PDE7B: variants seen among roughly 807,000 people sequenced by gnomAD.
PDE7B encodes the protein phosphodiesterase 7B, also known as 3',5'-cyclic-AMP phosphodiesterase 7B.
In PDE7B, 29 loss-of-function variants were observed where a neutral mutation model predicts 56.2. The observed-to-expected ratio is 0.52, with a 90% CI of 0.38 to 0.70. The LOEUF is 0.70. Ranked by LOEUF, PDE7B falls within the 30% of genes least tolerant of loss-of-function variation. The pLI is 0.00. For missense variants in PDE7B, 490 were observed against 565.0 expected (o/e 0.87, Z 1.35); for synonymous variants, 197 against 196.9 (o/e 1.00, Z 0.00).
Position 136,035,796 on chromosome 6 carries a change from A to AAATGT in PDE7B, c.83-72933_83-72929dup, listed in dbSNP as rs137964617. 4.3e-3 allele frequency among the ~76,000 whole-genome samples: 662 copies of AAATGT among 152,342 alleles called. 6 individuals carry two copies. Among genetic ancestry groups the AAATGT allele is most frequent in the African/African-American group, 0.016 (645 of 41,566 alleles). ...TAAAATAGTACAGAGGATACAATGG[A>AAATGT]AATGTATATCCTTGGATTTTTTTTA... On this transcript the variant is annotated intron_variant, in intron 2 of 12. Transcript: ENST00000308191.
At chr6:135,985,399 T>C (rs1022369850) in intron 2 of PDE7B, among the ~76,000 whole-genome samples, 1 of 152,214 alleles carries the variant, frequency 6.6e-6, no homozygotes, top group Non-Finnish European at 1.5e-5. Flanking sequence ...ATGTTGTTTC[T>C]TTGGAGGTCC....
intron 1 of PDE7B, among the ~76,000 whole-genome samples, chr6:135,907,894 G>T (rs893797242): frequency 6.6e-6 from 1 of 152,040 alleles, no homozygotes; most frequent in Admixed American, 6.6e-5. Flanking sequence ...GCAAAAGATT[G>T]AAAAGACATG....
At chr6:136,173,673 C>T in intron 8 of PDE7B, 124 bp from the exon 9 acceptor site, 2 of 653,774 alleles carry the variant, frequency 3.1e-6, no homozygotes, top group South Asian at 3.6e-5. Context: ...TTTTCCTGGT[C>T]TGCCTCTGGG....
At chr6:135,944,669 G>A (rs576750319) in intron 1 of PDE7B, among the ~76,000 whole-genome samples, 34 of 152,190 alleles carry the variant, frequency 2.2e-4, no homozygotes, top group Non-Finnish European at 4.3e-4. Flanking sequence ...AGGAATGCAT[G>A]CTTCACAGGA....
intron 1 of PDE7B, among the ~76,000 whole-genome samples, chr6:135,939,538 G>A (rs750913388): frequency 7.2e-5 from 11 of 152,268 alleles, no homozygotes; most frequent in South Asian, 6.2e-4. Flanking sequence ...CAAATCTGCC[G>A]TCCTCTGGCA....
intron 3 of PDE7B, among the ~76,000 whole-genome samples, chr6:136,123,899 T>C (rs1005871789): frequency 1.3e-5 from 2 of 152,184 alleles, no homozygotes; most frequent in African/African-American, 2.4e-5. Flanking sequence ...AAATGACTAA[T>C]AGAGTAATAC....
At chr6:135,905,641 C>T (rs573450191) in intron 1 of PDE7B, among the ~76,000 whole-genome samples, 1 of 152,258 alleles carries the variant, frequency 6.6e-6, no homozygotes, top group Non-Finnish European at 1.5e-5. Context: ...GGCCGAACAT[C>T]GTGGAAGCCT....
At chr6:136,096,860 T>A (rs1777478143) in intron 2 of PDE7B, among the ~76,000 whole-genome samples, 1 of 149,164 alleles carries the variant, frequency 6.7e-6, no homozygotes, top group East Asian at 2.0e-4. Flanking sequence ...GGACTATGCT[T>A]CTCTCTCTCT....
chr6:136,122,425 A>C (rs1449713982), intron 3 of PDE7B, among the ~76,000 whole-genome samples: 1 of 152,222 alleles, frequency 6.6e-6, no homozygotes, highest in Non-Finnish European at 1.5e-5. Context: ...TTACAAAGAA[A>C]GAGTCAGTTT....
chr6:136,056,304 G>A (rs1197451453), intron 2 of PDE7B, among the ~76,000 whole-genome samples: 2 of 152,160 alleles, frequency 1.3e-5, no homozygotes, highest in Non-Finnish European at 2.9e-5. Context: ...CAAGATATGT[G>A]CATACACAGG....
rs911546405 is a variant in PDE7B at position 135,955,694 on chromosome 6, T to C, written c.82+8170T>C. On this transcript the variant is annotated intron_variant, in intron 2 of 12. Transcript: ENST00000308191. ...GGATATCGCTGAAGAAAGACTAGTT[T>C]AGGGAACAGTGGTATCTATCAGGTG... Among the ~76,000 whole-genome samples, 5 of 152,112 alleles carry C rather than the reference T, an allele frequency of 3.3e-5. No individual in the cohort carries two copies. In the East Asian group the frequency reaches 7.8e-4, roughly 24 times the overall value.
At chr6:136,092,018 C>A (rs1777395534) in intron 2 of PDE7B, among the ~76,000 whole-genome samples, 1 of 152,132 alleles carries the variant, frequency 6.6e-6, no homozygotes, top group East Asian at 1.9e-4. Flanking sequence ...AGAAACTAAG[C>A]AATTCGTACT....
At chr6:136,161,253 T>C (rs1471708918) in intron 8 of PDE7B, among the ~76,000 whole-genome samples, 2 of 152,222 alleles carry the variant, frequency 1.3e-5, no homozygotes, top group Admixed American at 6.5e-5. Flanking sequence ...GATTTTCCAG[T>C]ACTCTCTTAC....
chr6:136,184,279 G>A (rs1013774816), intron 11 of PDE7B, among the ~76,000 whole-genome samples: 1 of 152,130 alleles, frequency 6.6e-6, no homozygotes, highest in African/African-American at 2.4e-5. Flanking sequence ...ACATAAACGT[G>A]TTGAATAAGT....
intron 1 of PDE7B, among the ~76,000 whole-genome samples, chr6:135,870,137 T>C (rs1036734365): frequency 4.6e-5 from 7 of 152,130 alleles, no homozygotes; most frequent in South Asian, 2.1e-4. Context: ...GTAGGCAAGA[T>C]GGGAGATGAC....
At chr6:135,980,734 A>T (rs1205698440) in intron 2 of PDE7B, among the ~76,000 whole-genome samples, 2 of 147,592 alleles carry the variant, frequency 1.4e-5, no homozygotes, top group East Asian at 4.0e-4. Flanking sequence ...CCACAATGAG[A>T]TACCATCTCA....
chr6:135,869,446 A>G (rs748332547), intron 1 of PDE7B, among the ~76,000 whole-genome samples: 12 of 152,196 alleles, frequency 7.9e-5, no homozygotes, highest in Admixed American at 7.9e-4. Flanking sequence ...CTTAATTAGC[A>G]TAAAGTCAGT....
chr6:136,003,902 A>C (rs1423132435), intron 2 of PDE7B, among the ~76,000 whole-genome samples: 11 of 152,310 alleles, frequency 7.2e-5, no homozygotes, highest in African/African-American at 2.6e-4. Context: ...ACAACCAAAA[A>C]AGAGAATTTT....
At chr6:135,861,515 TTA>T (rs1491538467) in intron 1 of PDE7B, among the ~76,000 whole-genome samples, 3 of 149,154 alleles carry the variant, frequency 2.0e-5, no homozygotes, top group South Asian at 2.1e-4. Context: ...TTATATATAC[TTA>T]TATATATATA....
Sources: allele counts gnomAD v4.1 joint callset (sites outside exome capture counted in the v4.1 genomes callset), GRCh38; gene constraint gnomAD v4.1.1; transcripts MANE v1.5; gene names NCBI Gene and HGNC (gene_info 2026-07-23, HGNC 2026-07-21).